Variants in ZNF385D observed in about 807,000 individuals in gnomAD.
ZNF385D encodes zinc finger protein 385D.
ZNF385D carries 15 observed loss-of-function variants against 35.8 expected under a neutral mutation model. The ratio of observed to expected loss-of-function variants is 0.42; its 90% CI spans 0.28 to 0.64. The LOEUF (loss-of-function observed/expected upper bound fraction) is 0.64, where lower values mean the gene tolerates loss of function less well. Among genes scored for constraint, ZNF385D ranks in the 30% least tolerant of loss-of-function variants. The pLI is 0.23. For missense variants in ZNF385D, 474 were observed against 494.6 expected, an observed-to-expected ratio of 0.96 and a Z score of 0.39; for synonymous variants, 212 against 186.8, an observed-to-expected ratio of 1.13 and a Z score of -1.10.
chr3:22,024,038 T>C (rs1227900115), intron 3 of ZNF385D, among the ~76,000 whole-genome samples: 1 of 152,076 alleles, frequency 6.6e-6, no homozygotes, highest in African/African-American at 2.4e-5. Context: ...GTAAGTGGAC[T>C]GGGAAAGGCA....
At position 21,636,250 on chromosome 3, in the gene ZNF385D, A is replaced by G. The variant is rs145632784; in HGVS notation, c.165+28636T>C. Among the ~76,000 whole-genome samples, 688 of 150,112 alleles carry G rather than the reference A, an allele frequency of 4.6e-3. 6 individuals are homozygous for G. The highest frequency in any genetic ancestry group is 0.015 in the African/African-American group (594 of 40,896). The stretch of plus-strand genomic sequence containing the variant: ...TTTTTGATTTTTTTTTATTATGGAC[A>G]TTCCTGCAGGAGTAAGTTGTATTAG... On this transcript the variant is annotated intron_variant, in intron 2 of 7. Transcript: ENST00000281523.
Position 22,232,063 on chromosome 3 carries a change from A to G in ZNF385D, c.107-63028T>C, listed in dbSNP as rs61523376. On this transcript the variant is annotated intron_variant, in intron 2 of 5. Coordinates refer to the ZNF385D transcript ENST00000494108. ...CAGGCTGCACAACTGTGAGCCAATT[A>G]AAACTCTTTTCTTTATAAATTACAC... 4.8e-3 allele frequency among the ~76,000 whole-genome samples: 738 copies of G among 152,252 alleles called. 10 individuals carry two copies. The highest frequency in any genetic ancestry group is 0.017 in the African/African-American group (692 of 41,550).
At chr3:21,678,886 A>G (rs73819951) in intron 1 of ZNF385D, among the ~76,000 whole-genome samples, 2,309 of 152,212 alleles carry the variant, frequency 0.015, 53 homozygotes, top group African/African-American at 0.052. Flanking sequence ...CTATTTATAC[A>G]GTTTAATGTC....
chr3:22,243,030 G>C (rs1362262246), intron 2 of ZNF385D, among the ~76,000 whole-genome samples: 2 of 150,990 alleles, frequency 1.3e-5, no homozygotes, highest in Admixed American at 1.3e-4. Flanking sequence ...TAACACAGTA[G>C]ATAAATTGGA....
At chr3:22,208,649 C>A (rs1287599446) in intron 2 of ZNF385D, among the ~76,000 whole-genome samples, 1 of 151,158 alleles carries the variant, frequency 6.6e-6, no homozygotes, top group Admixed American at 6.6e-5. Context: ...CATTATTTGC[C>A]CATATCAAAA....
At chr3:21,688,396 A>G (rs1219441527) in intron 1 of ZNF385D, among the ~76,000 whole-genome samples, 2 of 152,178 alleles carry the variant, frequency 1.3e-5, no homozygotes, top group African/African-American at 4.8e-5. Flanking sequence ...GCAATTTTAT[A>G]ATTATAAATA....
At chr3:22,213,660 G>T (rs1697668609) in intron 2 of ZNF385D, among the ~76,000 whole-genome samples, 1 of 151,970 alleles carries the variant, frequency 6.6e-6, no homozygotes, top group Admixed American at 6.6e-5. Context: ...TCATGTCAGT[G>T]ATGTTGGCAT....
At chr3:21,911,772 C>T (rs1273075199) in intron 3 of ZNF385D, among the ~76,000 whole-genome samples, 1 of 151,834 alleles carries the variant, frequency 6.6e-6, no homozygotes, top group Non-Finnish European at 1.5e-5. Context: ...TTACTATGTA[C>T]CTATAAACAG....
At chr3:21,976,243 AT>A (rs1294989480) in intron 3 of ZNF385D, among the ~76,000 whole-genome samples, 10 of 151,996 alleles carry the variant, frequency 6.6e-5, no homozygotes, top group East Asian at 5.8e-4. Context: ...ATGACAACAC[AT>A]TTTTTTTAGA....
intron 3 of ZNF385D, among the ~76,000 whole-genome samples, chr3:22,037,834 G>A (rs952027214): frequency 3.3e-5 from 5 of 151,998 alleles, no homozygotes; most frequent in Non-Finnish European, 7.4e-5. Context: ...GGGTTTTTAT[G>A]GTTTTAGGTC....
At chr3:22,270,737 T>TTA (rs1701131928) in intron 2 of ZNF385D, among the ~76,000 whole-genome samples, 1 of 151,996 alleles carries the variant, frequency 6.6e-6, no homozygotes, top group Admixed American at 6.6e-5. Context: ...GTACAATATG[T>TTA]TATATACCTC....
intron 3 of ZNF385D, among the ~76,000 whole-genome samples, chr3:22,027,151 T>A (rs1697610324): frequency 6.6e-6 from 1 of 152,208 alleles, no homozygotes; most frequent in Non-Finnish European, 1.5e-5. Context: ...ATACTCCTTC[T>A]AAGGTGAAGG....
intron 2 of ZNF385D, among the ~76,000 whole-genome samples, chr3:22,298,681 TTAAAGA>T (rs1256800033): frequency 6.7e-6 from 1 of 148,528 alleles, no homozygotes; most frequent in Non-Finnish European, 1.5e-5. Flanking sequence ...ATGCCTAAAA[TTAAAGA>T]TAAATAGAAA....
chr3:21,964,433 GA>G (rs10558356), intron 3 of ZNF385D, among the ~76,000 whole-genome samples: 31,520 of 94,464 alleles, frequency 0.33, 4,632 homozygotes, highest in South Asian at 0.43. Flanking sequence ...AAAAAAAAAA[GA>G]AAAAAAAAAA....
chr3:21,642,750 G>A (rs904449785), intron 2 of ZNF385D, among the ~76,000 whole-genome samples: 11 of 152,078 alleles, frequency 7.2e-5, no homozygotes, highest in African/African-American at 2.7e-4. Flanking sequence ...GCATACAATG[G>A]AATATTATTA....
At chr3:21,727,467 A>C (rs1421506696) in intron 1 of ZNF385D, among the ~76,000 whole-genome samples, 1 of 152,238 alleles carries the variant, frequency 6.6e-6, no homozygotes, top group African/African-American at 2.4e-5. Flanking sequence ...GAACTTAAAC[A>C]AATTTACAAG....
At chr3:21,935,605 G>C (rs770462975) in intron 3 of ZNF385D, among the ~76,000 whole-genome samples, 1 of 152,040 alleles carries the variant, frequency 6.6e-6, no homozygotes, top group Non-Finnish European at 1.5e-5. Context: ...TTTCCTATCT[G>C]TCCACTTTTC....
chr3:21,687,353 T>C (rs1354282502), intron 1 of ZNF385D, among the ~76,000 whole-genome samples: 2 of 152,216 alleles, frequency 1.3e-5, no homozygotes, highest in South Asian at 4.1e-4. Context: ...AGTTCGTTTG[T>C]TAAGTAGCAA....
intron 3 of ZNF385D, among the ~76,000 whole-genome samples, chr3:22,166,657 T>C (rs183610968): frequency 2.7e-4 from 41 of 152,384 alleles, no homozygotes; most frequent in African/African-American, 9.4e-4. Flanking sequence ...TGTACTGATA[T>C]GATTGTTTAA....
Sources: allele counts gnomAD v4.1 joint callset (sites outside exome capture counted in the v4.1 genomes callset), GRCh38; gene constraint gnomAD v4.1.1; transcripts MANE v1.5; gene names NCBI Gene and HGNC (gene_info 2026-07-23, HGNC 2026-07-21).